Variants in KAT2B observed in about 807,000 individuals in gnomAD.
KAT2B encodes lysine acetyltransferase 2B.
Under a neutral mutation model 105.9 loss-of-function variants are expected in KAT2B, and 36 were observed. The ratio of observed to expected loss-of-function variants is 0.34; its 90% confidence interval spans 0.26 to 0.45. KAT2B has a LOEUF of 0.45. Among genes scored for constraint, KAT2B ranks in the 20% least tolerant of loss-of-function variants. The probability of loss-of-function intolerance (pLI) is 1.00; values close to 1 mark genes in which losing one functional copy is unlikely to be tolerated. For missense variants in KAT2B, 820 were observed against 1,021.6 expected, an observed-to-expected ratio of 0.80 and a Z score of 2.69; for synonymous variants, 397 against 377.9, an observed-to-expected ratio of 1.05 and a Z score of -0.59.
chr3:20,125,528 T>C (rs566802973), intron 9 of KAT2B, among the ~76,000 whole-genome samples: 23 of 152,292 alleles, frequency 1.5e-4, no homozygotes, highest in South Asian at 8.3e-4. Context: ...TAACATATTG[T>C]CTGTGGATGC....
chr3:20,110,959 A>G (rs2125165661), intron 5 of KAT2B, among the ~76,000 whole-genome samples: 1 of 152,240 alleles, frequency 6.6e-6, no homozygotes, highest in Non-Finnish European at 1.5e-5. Context: ...AATACTTCCT[A>G]CATTTTTGAC....
At chr3:20,046,822 C>T (rs941244845) in intron 1 of KAT2B, among the ~76,000 whole-genome samples, 3 of 152,076 alleles carry the variant, frequency 2.0e-5, no homozygotes, top group Non-Finnish European at 4.4e-5. Flanking sequence ...AGCTATTTAA[C>T]CTCCCAAGGG....
intron 3 of KAT2B, among the ~76,000 whole-genome samples, chr3:20,096,308 G>C (rs1315048459): frequency 1.3e-5 from 2 of 152,110 alleles, no homozygotes; most frequent in African/African-American, 2.4e-5. Context: ...CTCCATGTGG[G>C]TCACATCCAT....
intron 5 of KAT2B, among the ~76,000 whole-genome samples, chr3:20,101,791 T>C (rs971090091): frequency 3.3e-5 from 5 of 152,202 alleles, no homozygotes; most frequent in Non-Finnish European, 7.3e-5. Flanking sequence ...TTTTAAAATA[T>C]TGATTACATG....
At chr3:20,125,682 C>G (rs1314900316) in intron 9 of KAT2B, among the ~76,000 whole-genome samples, 1 of 152,194 alleles carries the variant, frequency 6.6e-6, no homozygotes, top group Non-Finnish European at 1.5e-5. Context: ...ACATATAATA[C>G]TCCAATTTCT....
intron 13 of KAT2B, among the ~76,000 whole-genome samples, chr3:20,144,223 A>C: frequency 6.7e-6 from 1 of 150,108 alleles, no homozygotes; most frequent in South Asian, 2.1e-4. Context: ...AAATTGAAAC[A>C]GTCTTCAGCA....
At chr3:20,051,254 AAGTAG>A (rs1697911688) in intron 1 of KAT2B, among the ~76,000 whole-genome samples, 1 of 151,520 alleles carries the variant, frequency 6.6e-6, no homozygotes, top group Non-Finnish European at 1.5e-5. Flanking sequence ...GTACTTGGCC[AAGTAG>A]ATGTAGATAA....
At chr3:20,095,444 T>C (rs374907679) in intron 3 of KAT2B, 36 bp downstream of exon 3, 316 of 1,450,184 alleles carry the variant, frequency 2.2e-4, no homozygotes, top group Middle Eastern at 2.1e-3. Flanking sequence ...TTTTCTCTCA[T>C]TATTCAAATG....
intron 1 of KAT2B, among the ~76,000 whole-genome samples, chr3:20,052,907 C>G (rs1373340823): frequency 6.6e-6 from 1 of 152,096 alleles, no homozygotes; most frequent in Admixed American, 6.5e-5. Flanking sequence ...ACCCAGGAGG[C>G]GGAGGTTGCG....
At chr3:20,111,838 CT>C (rs980640832) in intron 6 of KAT2B, 51 bp downstream of exon 6, 1 of 1,418,478 alleles carries the variant, frequency 7.0e-7, no homozygotes, top group Admixed American at 1.9e-5. Context: ...CTTGAGGTTG[CT>C]AAATACAATG....
chr3:20,135,982 G>A (rs1320912670), intron 11 of KAT2B, among the ~76,000 whole-genome samples: 1 of 152,184 alleles, frequency 6.6e-6, no homozygotes. Context: ...TACGTTGGCG[G>A]TGTTCTAGCA....
At chr3:20,062,198 TA>T (rs1394886995) in intron 1 of KAT2B, among the ~76,000 whole-genome samples, 2 of 48,830 alleles carry the variant, frequency 4.1e-5, no homozygotes, top group Non-Finnish European at 7.1e-5. Flanking sequence ...AAAATATATA[TA>T]TTTTATATAA....
chr3:20,143,564 C>T (rs1699729916), intron 13 of KAT2B, among the ~76,000 whole-genome samples: 1 of 152,162 alleles, frequency 6.6e-6, no homozygotes, highest in South Asian at 2.1e-4. Flanking sequence ...ATTGTTCTTA[C>T]AAAAAGATAC....
At chr3:20,080,098 T>C (rs1462449397) in intron 2 of KAT2B, among the ~76,000 whole-genome samples, 1 of 152,216 alleles carries the variant, frequency 6.6e-6, no homozygotes, top group African/African-American at 2.4e-5. Flanking sequence ...CATTCCTGCA[T>C]ACCTGGCTTT....
intron 11 of KAT2B, among the ~76,000 whole-genome samples, chr3:20,134,054 G>A (rs1050723726): frequency 2.0e-5 from 3 of 151,798 alleles, no homozygotes; most frequent in African/African-American, 7.3e-5. Context: ...TTTGTCTTTT[G>A]TTTATGGTAT....
intron 2 of KAT2B, among the ~76,000 whole-genome samples, chr3:20,078,089 G>A (rs1698451267): frequency 6.6e-6 from 1 of 152,132 alleles, no homozygotes; most frequent in Non-Finnish European, 1.5e-5. Flanking sequence ...GTGGGAGGGA[G>A]GATGGCCTGA....
intron 2 of KAT2B, among the ~76,000 whole-genome samples, chr3:20,092,499 G>A (rs1698738238): frequency 6.6e-6 from 1 of 151,474 alleles, no homozygotes. Flanking sequence ...TAAAGTGCTG[G>A]GATTACAGGC....
chr3:20,101,209 A>G (rs1698903768), intron 4 of KAT2B, 78 bp from the exon 5 acceptor site: 10 of 1,178,358 alleles, frequency 8.5e-6, no homozygotes, highest in African/African-American at 1.5e-5. Flanking sequence ...ATAACCACCA[A>G]TCATGCTGGC....
intron 2 of KAT2B, among the ~76,000 whole-genome samples, chr3:20,086,258 G>A (rs947598009): frequency 6.6e-6 from 1 of 151,546 alleles, no homozygotes; most frequent in Non-Finnish European, 1.5e-5. Flanking sequence ...GGGTGACAGA[G>A]TGAGACACTG....
Sources: gnomAD v4.1 joint callset for allele counts (sites outside exome capture counted in the v4.1 genomes callset) on GRCh38, gnomAD v4.1.1 for gene constraint, MANE v1.5 for transcripts, NCBI Gene and HGNC (gene_info 2026-07-23, HGNC 2026-07-21) for gene names.